The following DLGAP1 variants were observed in gnomAD, a reference collection of about 807,000 sequenced individuals.
DLGAP1 encodes DLG associated protein 1.
A neutral mutation model predicts 90.8 loss-of-function variants in DLGAP1; 11 were observed. The ratio of observed to expected loss-of-function variants is 0.12; its 90% confidence interval spans 0.08 to 0.20. The LOEUF (loss-of-function observed/expected upper bound fraction) is 0.20, where lower values mean the gene tolerates loss of function less well. Among genes scored for constraint, DLGAP1 ranks in the 10% least tolerant of loss-of-function variants. The pLI is 1.00. For missense variants in DLGAP1, 1,050 were observed against 1,333.8 expected (o/e 0.79, Z 3.31); for synonymous variants, 558 against 540.7 (o/e 1.03, Z -0.44).
At chr18:4,012,223 A>C (rs898904197) in intron 2 of DLGAP1, among the ~76,000 whole-genome samples, 2 of 152,116 alleles carry the variant, frequency 1.3e-5, no homozygotes, top group Non-Finnish European at 2.9e-5. Flanking sequence ...TATTCTAGTT[A>C]GTGAATGTTC....
intron 9 of DLGAP1, among the ~76,000 whole-genome samples, chr18:3,563,119 A>G (rs2145052441): frequency 6.6e-6 from 1 of 151,904 alleles, no homozygotes; most frequent in South Asian, 2.1e-4. Flanking sequence ...GAGCCACTGA[A>G]CCCGGCCTAG....
At chr18:3,613,963 C>CCCAG (rs1360045216) in intron 7 of DLGAP1, among the ~76,000 whole-genome samples, 2 of 151,910 alleles carry the variant, frequency 1.3e-5, no homozygotes, top group Non-Finnish European at 2.9e-5. Flanking sequence ...CCCTCTTTTG[C>CCCAG]CCAGGCTGGA....
chr18:3,816,137 T>C (rs2067092974), intron 4 of DLGAP1, among the ~76,000 whole-genome samples: 1 of 152,206 alleles, frequency 6.6e-6, no homozygotes, highest in South Asian at 2.1e-4. Flanking sequence ...CAACAACCTG[T>C]GCATATTTTT....
intron 2 of DLGAP1, among the ~76,000 whole-genome samples, chr18:4,123,374 A>G (rs1181014714): frequency 6.6e-6 from 1 of 152,120 alleles, no homozygotes; most frequent in Non-Finnish European, 1.5e-5. Context: ...ATACACTCTC[A>G]GGGCCATAGG....
intron 4 of DLGAP1, among the ~76,000 whole-genome samples, chr18:3,871,623 A>G (rs951374807): frequency 2.0e-5 from 3 of 152,178 alleles, no homozygotes; most frequent in Non-Finnish European, 4.4e-5. Context: ...ATCCCTAACT[A>G]GTCTACACGA....
chr18:4,278,246 C>T (rs1428901488), intron 1 of DLGAP1, among the ~76,000 whole-genome samples: 1 of 151,898 alleles, frequency 6.6e-6, no homozygotes, highest in African/African-American at 2.4e-5. Context: ...GTATTATGGT[C>T]TTTTATTTTT....
At chr18:4,266,895 AG>A (rs1471267395) in intron 1 of DLGAP1, among the ~76,000 whole-genome samples, 1 of 152,226 alleles carries the variant, frequency 6.6e-6, no homozygotes, top group Non-Finnish European at 1.5e-5. Context: ...AGCAAATAAA[AG>A]ACTCCAAGTG....
chr18:3,958,073 T>C (rs976625157), intron 3 of DLGAP1, among the ~76,000 whole-genome samples: 1 of 152,068 alleles, frequency 6.6e-6, no homozygotes, highest in East Asian at 1.9e-4. Flanking sequence ...TTTGTATTTT[T>C]AGTAGAGACA....
chr18:3,659,430 C>CACAT (rs2059607235), intron 7 of DLGAP1, among the ~76,000 whole-genome samples: 1 of 146,172 alleles, frequency 6.8e-6, no homozygotes, highest in African/African-American at 2.7e-5. Flanking sequence ...CACACACACA[C>CACAT]ACACGGATGC....
intron 9 of DLGAP1, among the ~76,000 whole-genome samples, chr18:3,550,734 CTTTTTTTTTTT>C (rs1165404588): frequency 2.3e-5 from 2 of 85,204 alleles, no homozygotes; most frequent in East Asian, 4.1e-4. Flanking sequence ...GAACCAGACC[CTTTTTTTTTTT>C]TTTTTTTTTT....
At chr18:4,401,164 T>C (rs1306271167) in intron 1 of DLGAP1, among the ~76,000 whole-genome samples, 5 of 152,184 alleles carry the variant, frequency 3.3e-5, no homozygotes, top group Non-Finnish European at 7.3e-5. Flanking sequence ...CAAAGTTTCA[T>C]TTATTTCAGT....
intron 11 of DLGAP1, among the ~76,000 whole-genome samples, chr18:3,506,756 A>G (rs1350969460): frequency 6.6e-6 from 1 of 152,040 alleles, no homozygotes; most frequent in Non-Finnish European, 1.5e-5. Flanking sequence ...TTTGAGCAAC[A>G]CGGCTTTATA....
chr18:4,189,029 A>G (rs2077348897), intron 1 of DLGAP1, among the ~76,000 whole-genome samples: 1 of 152,144 alleles, frequency 6.6e-6, no homozygotes, highest in Admixed American at 6.6e-5. Flanking sequence ...AAACTCTTAA[A>G]AATGATAATT....
Position 3,930,253 on chromosome 18 carries a change from C to T in DLGAP1, c.-72-50113G>A, listed in dbSNP as rs201860663. 1.1e-4 allele frequency among the ~76,000 whole-genome samples: 17 copies of T among 152,282 alleles called. No homozygotes were observed. In the East Asian group the frequency reaches 2.7e-3, roughly 24 times the overall value. ...TTTTTCTATTGACTTATATGAAACT[C>T]AGTTTTCATGAAAACAACCCTAAGT... On this transcript the variant is annotated intron_variant, in intron 3 of 12. Transcript: ENST00000315677.
chr18:4,163,975 G>T (rs2076890844), intron 1 of DLGAP1, among the ~76,000 whole-genome samples: 1 of 152,138 alleles, frequency 6.6e-6, no homozygotes, highest in Non-Finnish European at 1.5e-5. Flanking sequence ...ACATCCAGGG[G>T]CTTGGCCAGT....
chr18:4,268,758 A>G (rs2079188076), intron 1 of DLGAP1, among the ~76,000 whole-genome samples: 2 of 152,168 alleles, frequency 1.3e-5, no homozygotes, highest in African/African-American at 2.4e-5. Flanking sequence ...TTCTTACTTC[A>G]AAGATAATAG....
intron 2 of DLGAP1, among the ~76,000 whole-genome samples, chr18:4,111,666 T>G (rs1373854436): frequency 6.6e-6 from 1 of 152,146 alleles, no homozygotes; most frequent in Non-Finnish European, 1.5e-5. Flanking sequence ...CTTTGTCTGA[T>G]AATTCGTGTT....
At chr18:4,089,378 C>T (rs1477291653) in intron 2 of DLGAP1, among the ~76,000 whole-genome samples, 1 of 151,922 alleles carries the variant, frequency 6.6e-6, no homozygotes. Flanking sequence ...CCATACTGCC[C>T]AAAGTAATTT....
At position 3,582,077 on chromosome 18, in the gene DLGAP1, T is replaced by C; in HGVS notation, c.1763A>G (p.Asn588Ser). ...GDIISQSGLSNSTESLDSMKA... is the reference protein window; with the variant it reads ...GDIISQSGLSSSTESLDSMKA... ...CATACTGTCCAGGCTCTCGGTGGAG[T>C]TGCTGAGTCCAGACTGGCTGATAAT... Residue 588 changes from asparagine (N) to serine (S), a missense_variant, in exon 8 of 13, where the codon AAC (asparagine) becomes AGC (serine). Physicochemically the swap from Asn to Ser is conservative, Grantham distance 46. Transcript: ENST00000315677. 6.2e-7 allele frequency: 1 copy of C among 1,603,498 alleles called. No homozygotes were observed. The highest frequency in any genetic ancestry group is 8.5e-7 in the Non-Finnish European group (1 of 1,175,984).
Sources: gnomAD v4.1 joint callset for allele counts (sites outside exome capture counted in the v4.1 genomes callset) on GRCh38, gnomAD v4.1.1 for gene constraint, MANE v1.5 for transcripts, NCBI Gene and HGNC (gene_info 2026-07-23, HGNC 2026-07-21) for gene names.